Variants in KANSL2 observed in about 807,000 individuals in gnomAD.
KANSL2 encodes the protein NSL complex protein NSL2.
Under a neutral mutation model 55.6 loss-of-function variants are expected in KANSL2, and 34 were observed. The observed-to-expected ratio is 0.61, with a 90% confidence interval of 0.46 to 0.81. The LOEUF (loss-of-function observed/expected upper bound fraction) is 0.81, where lower values mean the gene tolerates loss of function less well. Ranked by LOEUF, KANSL2 falls within the 40% of genes least tolerant of loss-of-function variation. The pLI is 0.00. For synonymous variants in KANSL2, 209 were observed against 214.3 expected, an observed-to-expected ratio of 0.98 and a Z score of 0.22; for missense variants, 502 against 609.9, an observed-to-expected ratio of 0.82 and a Z score of 1.86.
At chr12:48,672,431 A>ATTTTT (rs1449179261) in intron 4 of KANSL2, among the ~76,000 whole-genome samples, 12 of 114,900 alleles carry the variant, frequency 1.0e-4, no homozygotes, top group African/African-American at 4.6e-4. Flanking sequence ...ATATATATAT[A>ATTTTT]TATTTTTTTT....
chr12:48,670,926 T>C (rs1939700924), intron 5 of KANSL2, among the ~76,000 whole-genome samples: 1 of 151,830 alleles, frequency 6.6e-6, no homozygotes, highest in South Asian at 2.1e-4. Flanking sequence ...ACTACGCTAC[T>C]GCACTCTGGC....
chr12:48,667,418 G>C, intron 7 of KANSL2: 1 of 491,618 alleles, frequency 2.0e-6, no homozygotes, highest in Non-Finnish European at 3.9e-6. Flanking sequence ...AAGTATTAAG[G>C]CTATAAATAA....
intron 1 of KANSL2, 187 bp downstream of exon 1, chr12:48,682,000 G>A (rs1482395759): frequency 2.8e-6 from 2 of 702,988 alleles, no homozygotes; most frequent in East Asian, 5.4e-5. Flanking sequence ...GCCTGGCCTC[G>A]GAAGCCTATG....
At chr12:48,676,842 A>G (rs1393398959) in intron 4 of KANSL2, among the ~76,000 whole-genome samples, 13 of 152,208 alleles carry the variant, frequency 8.5e-5, no homozygotes, top group African/African-American at 2.9e-4. Context: ...GCAACATCAT[A>G]AACAATATAA....
chr12:48,657,877 A>G (rs1228930493), intron 8 of KANSL2, among the ~76,000 whole-genome samples: 1 of 152,016 alleles, frequency 6.6e-6, no homozygotes, highest in East Asian at 2.0e-4. Flanking sequence ...TCGGACTCCC[A>G]AAGTGCTGGG....
At chr12:48,665,499 G>C (rs1037501020) in intron 7 of KANSL2, among the ~76,000 whole-genome samples, 5 of 152,170 alleles carry the variant, frequency 3.3e-5, no homozygotes, top group African/African-American at 1.2e-4. Context: ...GGGGAGTGGA[G>C]GATGCAGCAA....
At chr12:48,680,106 C>CTTT in intron 2 of KANSL2, 1 of 347,604 alleles carries the variant, frequency 2.9e-6, no homozygotes, top group East Asian at 5.6e-5. Flanking sequence ...GTTGCCCAGG[C>CTTT]TAAAGTGCAG....
intron 8 of KANSL2, among the ~76,000 whole-genome samples, chr12:48,660,038 T>C (rs910016837): frequency 2.6e-5 from 4 of 152,280 alleles, no homozygotes; most frequent in South Asian, 4.1e-4. Flanking sequence ...CTTTTGGAGA[T>C]GGTGAAAACC....
At chr12:48,677,945 T>C (rs549844800) in intron 4 of KANSL2, among the ~76,000 whole-genome samples, 2 of 152,182 alleles carry the variant, frequency 1.3e-5, no homozygotes, top group East Asian at 3.9e-4. Flanking sequence ...GATTACTCAA[T>C]AGAAATGGAT....
chr12:48,671,788 A>C lies in KANSL2; in HGVS notation c.709+11T>G. 6.2e-7 allele frequency: 1 copy of C among 1,603,538 alleles called. No homozygotes were observed. The highest frequency in any genetic ancestry group is 8.5e-7 in the Non-Finnish European group (1 of 1,174,782). On this transcript the variant is annotated intron_variant, in intron 5 of 9. Coordinates refer to ENST00000420613, the MANE Select transcript of KANSL2 (RefSeq NM_017822.4). ...CCCACAACAGCTTGTTGGAACTGGC[A>C]TAAAACTTGCCTAGAGCTTCATGTT...
chr12:48,663,488 T>C (rs572012076), intron 7 of KANSL2, among the ~76,000 whole-genome samples: 10 of 152,314 alleles, frequency 6.6e-5, no homozygotes, highest in East Asian at 5.8e-4. Flanking sequence ...CAACACAAGC[T>C]TGAACTGCAC....
intron 2 of KANSL2, among the ~76,000 whole-genome samples, chr12:48,681,008 C>G (rs999740045): frequency 1.3e-5 from 2 of 150,316 alleles, no homozygotes; most frequent in Non-Finnish European, 3.0e-5. Context: ...GGGCCGGGCG[C>G]GGTCGCTCAC....
intron 2 of KANSL2, 27 bp from the exon 3 acceptor site, chr12:48,679,860 A>G (rs1939888076): frequency 1.3e-6 from 2 of 1,541,574 alleles, no homozygotes; most frequent in Middle Eastern, 1.7e-4. Flanking sequence ...TTAATATTTT[A>G]TAAGTTCCTT....
Position 48,668,833 on chromosome 12 carries a change from C to CATTGGAGA in KANSL2, c.876+265_876+272dup, listed in dbSNP as rs1219936034. On this transcript the variant is annotated intron_variant, in intron 6 of 9. Coordinates refer to ENST00000420613, the MANE Select transcript of KANSL2 (RefSeq NM_017822.4). Reference sequence around the variant, plus strand: ...GAGGTGGGTAGATCACGAGGTCAGGCATTGGAGACCAGCCTGGCCAACATA... The same window carrying CATTGGAGA: ...GAGGTGGGTAGATCACGAGGTCAGGCATTGGAGAATTGGAGACCAGCCTGGCCAACATA... Among the ~76,000 whole-genome samples the CATTGGAGA allele has an allele frequency of 5.9e-5, 9 of 152,068 alleles. No individual in the cohort carries two copies. The South Asian group carries it at 1.5e-3, about 25-fold the overall frequency.
At chr12:48,661,726 T>G (rs1939491035) in intron 7 of KANSL2, among the ~76,000 whole-genome samples, 1 of 152,186 alleles carries the variant, frequency 6.6e-6, no homozygotes, top group African/African-American at 2.4e-5. Context: ...ATAACTAAAC[T>G]CTCAAGCAGG....
rs1939720497 is a variant in KANSL2 at position 48,671,882 on chromosome 12, T to C, written c.626A>G (p.Asp209Gly). The C allele has an allele frequency of 6.2e-7, 1 of 1,613,178 alleles. No homozygotes were observed. ...KLIRLQSLYI[D>G]QFKRLQHLLK... Reference sequence around the variant, plus strand: ...CAGATGCTGAAGTCGTTTAAACTGATCAATATACAACGACTGCAAACGAAT... The same window carrying C: ...CAGATGCTGAAGTCGTTTAAACTGACCAATATACAACGACTGCAAACGAAT... Residue 209 changes from aspartate (D) to glycine (G), a missense_variant, in exon 5 of 10, where the codon GAT becomes GGT. Coordinates refer to ENST00000420613, the MANE Select transcript of KANSL2 (RefSeq NM_017822.4).
intron 8 of KANSL2, among the ~76,000 whole-genome samples, chr12:48,655,724 T>C (rs920797457): frequency 2.3e-4 from 35 of 152,224 alleles, no homozygotes; most frequent in Non-Finnish European, 2.1e-4. Flanking sequence ...AAAATGGTGA[T>C]AGCTGTACAA....
intron 2 of KANSL2, 163 bp downstream of exon 2, chr12:48,681,219 G>A: frequency 1.5e-6 from 1 of 676,132 alleles, no homozygotes; most frequent in Non-Finnish European, 2.4e-6. Flanking sequence ...CCAACTCAAG[G>A]GTCTTTCCAG....
chr12:48,669,579 G>A (rs944927093), intron 5 of KANSL2, among the ~76,000 whole-genome samples: 4 of 151,330 alleles, frequency 2.6e-5, no homozygotes, highest in East Asian at 1.9e-4. Flanking sequence ...GTGCAGTGGC[G>A]CAATCTTGGC....
Sources: allele counts gnomAD v4.1 joint callset (sites outside exome capture counted in the v4.1 genomes callset), GRCh38; gene constraint gnomAD v4.1.1; transcripts MANE v1.5; gene names NCBI Gene and HGNC (gene_info 2026-07-23, HGNC 2026-07-21).